The following DPYD variants were observed in gnomAD, a reference collection of about 807,000 sequenced individuals.
DPYD encodes the protein dihydropyrimidine dehydrogenase [NADP(+)].
A neutral mutation model predicts 116.2 loss-of-function variants in DPYD; 109 were observed. That is an observed-to-expected ratio of 0.94 (90% CI 0.80 to 1.10). The LOEUF is 1.10. Ranked by LOEUF, DPYD falls within the 50% of genes least tolerant of loss-of-function variation. The pLI is 0.00. For synonymous variants in DPYD, 440 were observed against 432.0 expected, an observed-to-expected ratio of 1.02 and a Z score of -0.23; for missense variants, 1,302 against 1,254.5, an observed-to-expected ratio of 1.04 and a Z score of -0.57.
At chr1:97,233,266 A>T (rs1300679848) in intron 19 of DPYD, among the ~76,000 whole-genome samples, 1 of 152,082 alleles carries the variant, frequency 6.6e-6, no homozygotes, top group African/African-American at 2.4e-5. Flanking sequence ...GCCTTCACTG[A>T]CACCATAAGA....
At chr1:97,757,703 T>A (rs1006513744) in intron 3 of DPYD, among the ~76,000 whole-genome samples, 13 of 152,138 alleles carry the variant, frequency 8.5e-5, no homozygotes, top group African/African-American at 2.9e-4. Flanking sequence ...TTAAAAATAA[T>A]GTAGACAGCT....
At chr1:97,814,332 A>G (rs1178412533) in intron 3 of DPYD, among the ~76,000 whole-genome samples, 8 of 152,174 alleles carry the variant, frequency 5.3e-5, no homozygotes, top group Non-Finnish European at 1.0e-4. Context: ...AGGAGTAAGG[A>G]ATTTGTCATT....
intron 8 of DPYD, among the ~76,000 whole-genome samples, chr1:97,676,884 G>A (rs749755279): frequency 3.9e-5 from 6 of 152,134 alleles, no homozygotes; most frequent in Non-Finnish European, 5.9e-5. Flanking sequence ...GAGCATAACT[G>A]CATTCCTCAC....
Position 97,850,814 on chromosome 1 carries a change from C to G in DPYD, c.151-22618G>C, listed in dbSNP as rs148799137. Among the ~76,000 whole-genome samples, 527 of 152,136 alleles carry G rather than the reference C, an allele frequency of 3.5e-3. 6 individuals carry two copies. The highest frequency in any genetic ancestry group is 0.012 in the African/African-American group (510 of 41,536). Reference sequence around the variant, plus strand: ...GATTTTTGTACTTCATTGCTTATAACTATAACTCCACCATCTGTTCTATAA... The same window carrying G: ...GATTTTTGTACTTCATTGCTTATAAGTATAACTCCACCATCTGTTCTATAA... On this transcript the variant is annotated intron_variant, in intron 2 of 22. Transcript: ENST00000370192.
At position 97,447,623 on chromosome 1, in the gene DPYD, G is replaced by A. The variant is rs527753230; in HGVS notation, c.1905+2436C>T. Among the ~76,000 whole-genome samples the A allele has an allele frequency of 2.0e-5, 3 of 152,220 alleles. No homozygotes were observed. The South Asian group carries it at 6.2e-4, about 32-fold the overall frequency. On this transcript the variant is annotated intron_variant, in intron 14 of 22. Transcript: ENST00000370192. ...TTTTTCTCAAGAAAAAGCATTCTAA[G>A]AGAAGAAAATTATCTCCAGGGAAAC...
chr1:97,409,354 T>C (rs909215084), intron 14 of DPYD, among the ~76,000 whole-genome samples: 1 of 152,154 alleles, frequency 6.6e-6, no homozygotes, highest in Non-Finnish European at 1.5e-5. Context: ...TGGTACTGTG[T>C]CTTAGGCAAT....
Position 97,079,124 on chromosome 1 carries a change from G to A in DPYD, c.2930C>T (p.Thr977Ile). ...AGTGTCGGTTATGGTGGGCAGGTGGGTTTCTGGATCAAACTGTATAGCCTG... is the reference window on the plus strand; with the variant it reads ...AGTGTCGGTTATGGTGGGCAGGTGGATTTCTGGATCAAACTGTATAGCCTG... The part of the protein sequence containing the change: ...GYQAIQFDPE[T>I]HLPTITDTCT... The change falls in exon 23 of 23, where the codon ACC becomes ATC. Residue 977 changes from threonine (T) to isoleucine (I), a missense_variant. Physicochemically the swap from Thr to Ile is moderately conservative, Grantham distance 89. Coordinates refer to ENST00000370192, the MANE Select transcript of DPYD (RefSeq NM_000110.4). 6.2e-7 allele frequency: 1 copy of A among 1,613,460 alleles called. No individual in the cohort carries two copies. The highest frequency in any genetic ancestry group is 2.2e-5 in the East Asian group (1 of 44,878).
chr1:97,417,531 C>A (rs1286619403), intron 14 of DPYD, among the ~76,000 whole-genome samples: 1 of 152,096 alleles, frequency 6.6e-6, no homozygotes, highest in Non-Finnish European at 1.5e-5. Flanking sequence ...TAAAATTGAG[C>A]TGAAAGATTG....
In DPYD at chr1:97,079,071, C is replaced by A. The variant is rs1801268; in HGVS notation, c.2983G>T (p.Val995Phe). 2.5e-6 allele frequency: 4 copies of A among 1,613,740 alleles called. No homozygotes were observed. Among genetic ancestry groups the A allele is most frequent in the Non-Finnish European group, 2.5e-6 (3 of 1,179,750 alleles). Residue 995 changes from valine (V) to phenylalanine (F), a missense_variant, in exon 23 of 23, where the codon GTT (valine) becomes TTT (phenylalanine). Transcript: ENST00000370192. ...TCTGCTLCLS[V>F]CPIVDCIKMV... The stretch of plus-strand genomic sequence containing the variant: ...TTGATGCAGTCGACAATAGGGCAAA[C>A]ACTGAGACACAGAGTACAGCCTGTA...
intron 20 of DPYD, among the ~76,000 whole-genome samples, chr1:97,159,675 G>A (rs889270118): frequency 1.3e-5 from 2 of 151,940 alleles, no homozygotes; most frequent in Non-Finnish European, 1.5e-5. Flanking sequence ...TATTCAGGGG[G>A]CAATTTTGAG....
chr1:97,776,827 T>C (rs139478397), intron 3 of DPYD, among the ~76,000 whole-genome samples: 1 of 152,224 alleles, frequency 6.6e-6, no homozygotes, highest in Non-Finnish European at 1.5e-5. Flanking sequence ...TAAAGTTTTC[T>C]TATGGAAATT....
rs113209129 is a variant in DPYD at position 97,874,770 on chromosome 1, T to C, written c.150+8494A>G. ...CATCTACCAACAACATTAATAAAAA[T>C]TGGAGAACATTTGCTTCGGTCAAAA... On this transcript the variant is annotated intron_variant, in intron 2 of 22. Transcript: ENST00000370192. Among the ~76,000 whole-genome samples the C allele has an allele frequency of 9.9e-4, 151 of 152,012 alleles. No homozygotes were observed. The Middle Eastern group carries it at 0.02, about 21-fold the overall frequency.
intron 14 of DPYD, among the ~76,000 whole-genome samples, chr1:97,444,718 G>C (rs1008980143): frequency 1.3e-5 from 2 of 152,022 alleles, no homozygotes; most frequent in African/African-American, 4.8e-5. Context: ...CTTTTTTAAA[G>C]CTTCTTATAA....
intron 16 of DPYD, among the ~76,000 whole-genome samples, chr1:97,358,683 C>A (rs1393830656): frequency 5.9e-5 from 9 of 152,096 alleles, no homozygotes; most frequent in Non-Finnish European, 1.3e-4. Flanking sequence ...TGGAGTGGAG[C>A]TCCAGCAAAC....
chr1:97,775,791 G>C (rs1489356860), intron 3 of DPYD, among the ~76,000 whole-genome samples: 1 of 152,122 alleles, frequency 6.6e-6, no homozygotes, highest in African/African-American at 2.4e-5. Flanking sequence ...ACCATAGCTA[G>C]AATGCAAATA....
chr1:97,750,021 C>T (rs992920311), intron 3 of DPYD, among the ~76,000 whole-genome samples: 2 of 151,994 alleles, frequency 1.3e-5, no homozygotes, highest in Admixed American at 6.6e-5. Flanking sequence ...TATTCACATG[C>T]TATGCAAATT....
chr1:97,546,594 G>T (rs1377148332), intron 12 of DPYD: 63 of 1,609,500 alleles, frequency 3.9e-5, no homozygotes, highest in Non-Finnish European at 5.2e-5. Context: ...CACATCCTGT[G>T]TATAGCCTTT....
chr1:97,213,490 G>T (rs1660180890), intron 19 of DPYD, among the ~76,000 whole-genome samples: 2 of 152,104 alleles, frequency 1.3e-5, no homozygotes, highest in Admixed American at 6.6e-5. Flanking sequence ...AGTTAAGATG[G>T]TTATCACAAT....
At chr1:97,355,599 G>A (rs1331156827) in intron 16 of DPYD, among the ~76,000 whole-genome samples, 1 of 151,926 alleles carries the variant, frequency 6.6e-6, no homozygotes, top group Non-Finnish European at 1.5e-5. Flanking sequence ...CGAGCTTCTG[G>A]TAATCACCAT....
Sources: gnomAD v4.1 joint callset for allele counts (sites outside exome capture counted in the v4.1 genomes callset) on GRCh38, gnomAD v4.1.1 for gene constraint, MANE v1.5 for transcripts, NCBI Gene and HGNC (gene_info 2026-07-23, HGNC 2026-07-21) for gene names.